HCRTR1: variants seen among roughly 807,000 people sequenced by gnomAD.
HCRTR1 encodes orexin/Hypocretin receptor type 1.
Under a neutral mutation model 40.6 loss-of-function variants are expected in HCRTR1, and 28 were observed. The observed-to-expected ratio is 0.69, with a 90% confidence interval of 0.51 to 0.95. The LOEUF is 0.95. Among genes scored for constraint, HCRTR1 ranks in the 40% least tolerant of loss-of-function variants. The pLI is 0.00. For synonymous variants in HCRTR1, 209 were observed against 230.0 expected (o/e 0.91, Z 0.83); for missense variants, 482 against 564.7 (o/e 0.85, Z 1.48).
chr1:31,626,878 C>T lies in HCRTR1; in HGVS notation c.1176C>T (p.Arg392=), dbSNP rs1336940430. Residue 392 remains arginine (R), a synonymous_variant, in exon 9 of 9, where the codon CGC becomes CGT. Coordinates refer to ENST00000403528, the MANE Select transcript of HCRTR1 (RefSeq NM_001525.3). The surrounding 1 kb of genome is among the most constrained non-coding windows in gnomAD (Gnocchi z 4.6). ...PCGSLKAPSP[R]SSASHKSLSL... is the part of the protein sequence containing the mutation. ...GCTCTCTGAAGGCCCCTAGTCCCCG[C>T]TCCTCTGCCAGCCACAAGTCCTTGT... 1 of 1,614,086 alleles carries T rather than the reference C, an allele frequency of 6.2e-7. No individual in the cohort carries two copies. The highest frequency in any genetic ancestry group is 8.5e-7 in the Non-Finnish European group (1 of 1,180,038).
intron 7 of HCRTR1, among the ~76,000 whole-genome samples, chr1:31,624,287 C>T (rs772897150): frequency 2.2e-4 from 34 of 152,064 alleles, no homozygotes; most frequent in Admixed American, 4.6e-4. Flanking sequence ...AATGAGACTT[C>T]GTCTCTACTA....
rs1639798835 is a variant in HCRTR1, at chr1:31,619,290, G to A, written c.98G>A (p.Arg33His). 4.3e-6 allele frequency: 7 copies of A among 1,614,158 alleles called. No individual in the cohort carries two copies. The highest frequency in any genetic ancestry group is 1.3e-5 in the African/African-American group (1 of 75,062). ...CCAGACTATGAAGATGAGTTTCTCCGCTATCTGTGGCGCGATTATCTGTAC... is the reference window on the plus strand; with the variant it reads ...CCAGACTATGAAGATGAGTTTCTCCACTATCTGTGGCGCGATTATCTGTAC... ...VPPDYEDEFL[R>H]YLWRDYLYPK... The change falls in exon 3 of 9, where the codon CGC becomes CAC. Residue 33 changes from arginine to histidine, a missense_variant. Arg to His is a conservative substitution (Grantham distance 29). Transcript: ENST00000403528.
Position 31,625,362 on chromosome 1 carries a change from G to T in HCRTR1, c.1087+244G>T, listed in dbSNP as rs1409733248. On this transcript the variant is annotated intron_variant, in intron 8 of 8. Transcript: ENST00000403528. The surrounding 1 kb of genome is among the most constrained non-coding windows in gnomAD (Gnocchi z 4.2). ...TTGCAGATTCTGCAGACCAGTGAGTGAGTGGAAGGGCAGGGGCTAGGCCAG... is the reference window on the plus strand; with the variant it reads ...TTGCAGATTCTGCAGACCAGTGAGTTAGTGGAAGGGCAGGGGCTAGGCCAG... Among the ~76,000 whole-genome samples the T allele has an allele frequency of 6.6e-6, 1 of 152,302 alleles. No individual in the cohort carries two copies. Among genetic ancestry groups the T allele is most frequent in the South Asian group, 2.1e-4 (1 of 4,826 alleles).
At chr1:31,623,837 C>A in intron 7 of HCRTR1, 88 bp downstream of exon 7, 3 of 910,164 alleles carry the variant, frequency 3.3e-6, no homozygotes, top group Non-Finnish European at 5.1e-6. Context: ...CTGGCTCCAC[C>A]CCTTCTCCAC....
chr1:31,622,021 T>A lies in HCRTR1; in HGVS notation c.738+429T>A, dbSNP rs577162260. On this transcript the variant is annotated intron_variant, in intron 6 of 8. Transcript: ENST00000403528. ...CCACTGCAACAATAATAATAGCAAC[T>A]CCGTGGTGCTTGCCAAATTAGGCAC... is the stretch of plus-strand genomic sequence containing the variant. 4.6e-5 allele frequency among the ~76,000 whole-genome samples: 7 copies of A among 152,276 alleles called. No homozygotes were observed. The East Asian group carries it at 1.3e-3, about 29-fold the overall frequency.
chr1:31,622,926 GT>G (rs1209314594), intron 6 of HCRTR1, among the ~76,000 whole-genome samples: 1 of 152,202 alleles, frequency 6.6e-6, no homozygotes, highest in East Asian at 1.9e-4. Context: ...CTGGGGTCTT[GT>G]CAAGGTTCCC....
downstream of HCRTR1, chr1:31,630,413 C>T (rs1316965815): frequency 1.2e-5 from 7 of 605,164 alleles, no homozygotes; most frequent in East Asian, 5.7e-5. Context: ...AGGCCCCTAT[C>T]TGTGTGGCCT....
Position 31,627,143 on chromosome 1 carries a change from T to C in HCRTR1, c.*163T>C, listed in dbSNP as rs201308069. ...CTGAGCTTGTGTCCCCTAAGCAGGG[T>C]TGATGTGAGGATTAAGCATGCTGAA... On this transcript the variant is annotated 3_prime_UTR_variant, in exon 9 of 9. Coordinates refer to ENST00000403528, the MANE Select transcript of HCRTR1 (RefSeq NM_001525.3). 4.9e-6 allele frequency: 7 copies of C among 1,414,388 alleles called. No individual in the cohort carries two copies. In the African/African-American group the frequency reaches 7.1e-5, roughly 14 times the overall value. The allele number at this position is 1,414,388 out of a possible 1,614,324, so 87.6% of individuals were successfully genotyped here. A position where few individuals can be genotyped will look rare whatever the true frequency, so the allele number is the denominator to read the frequency against.
chr1:31,630,610 G>A (rs1640068218), downstream of HCRTR1: 1 of 1,611,720 alleles, frequency 6.2e-7, no homozygotes, highest in African/African-American at 1.3e-5. Context: ...ACAGATGGTT[G>A]GGTCATAGCA....
downstream of HCRTR1, chr1:31,632,412 G>A (rs1640131479): frequency 6.2e-7 from 1 of 1,602,782 alleles, no homozygotes. Context: ...GGTAACAAGA[G>A]GAAACCCCTT....
chr1:31,633,048 C>T, downstream of HCRTR1: 1 of 1,310,000 alleles, frequency 7.6e-7, no homozygotes, highest in Non-Finnish European at 1.0e-6. Flanking sequence ...CACAGTCCTC[C>T]CTGGTCAATG....
intron 6 of HCRTR1, among the ~76,000 whole-genome samples, chr1:31,621,812 C>T (rs1386514699): frequency 6.6e-6 from 1 of 152,188 alleles, no homozygotes; most frequent in Non-Finnish European, 1.5e-5. Context: ...TAGTGGTTGG[C>T]GTTTATTGAA....
chr1:31,618,616 G>A (rs1639781168), intron 1 of HCRTR1, 140 bp from the exon 2 acceptor site: 1 of 152,822 alleles, frequency 6.5e-6, no homozygotes, highest in South Asian at 2.1e-4. Flanking sequence ...GGTGTTTGGT[G>A]GGTTCGAACA....
chr1:31,619,874 TCAGA>T (rs1216969847), intron 4 of HCRTR1, among the ~76,000 whole-genome samples, 164 bp downstream of exon 4: 2 of 152,106 alleles, frequency 1.3e-5, no homozygotes, highest in Non-Finnish European at 2.9e-5. Flanking sequence ...AGCCACCAGA[TCAGA>T]CACTCGAGGA....
chr1:31,632,666 G>T (rs780433027), downstream of HCRTR1: 1 of 1,609,936 alleles, frequency 6.2e-7, no homozygotes, highest in South Asian at 1.1e-5. Flanking sequence ...AAGGAGGGGA[G>T]GAAGGCTTCA....
chr1:31,622,772 G>A (rs577196879), intron 6 of HCRTR1, among the ~76,000 whole-genome samples: 6 of 152,274 alleles, frequency 3.9e-5, no homozygotes, highest in African/African-American at 1.4e-4. Context: ...CAGGCCATTC[G>A]ATGCTGCCCA....
chr1:31,623,277 C>T (rs2148610404), intron 6 of HCRTR1, among the ~76,000 whole-genome samples: 1 of 123,166 alleles, frequency 8.1e-6, no homozygotes, highest in Middle Eastern at 4.4e-3. Context: ...GCTTAGGTGA[C>T]AAGAGTGAAA....
At chr1:31,620,756 T>A in intron 4 of HCRTR1, 87 bp from the exon 5 acceptor site, 1 of 1,535,216 alleles carries the variant, frequency 6.5e-7, no homozygotes, top group Non-Finnish European at 8.8e-7. Context: ...TGCACTGCCC[T>A]GCACCTGCCG....
At chr1:31,628,894 G>C (rs767612109), downstream of HCRTR1, among the ~76,000 whole-genome samples, 19 of 152,198 alleles carry the variant, frequency 1.2e-4, no homozygotes, top group Non-Finnish European at 1.9e-4. Flanking sequence ...ACTATATAGA[G>C]GGTTGGCATG....
Sources: gnomAD v4.1 joint callset for allele counts (sites outside exome capture counted in the v4.1 genomes callset) on GRCh38, gnomAD v4.1.1 for gene constraint, Gnocchi (gnomAD v3.1) non-coding constraint, MANE v1.5 for transcripts, NCBI Gene and HGNC (gene_info 2026-07-23, HGNC 2026-07-21) for gene names.